Variants in EGLN3 observed in about 807,000 individuals in gnomAD.
EGLN3 encodes prolyl hydroxylase EGLN3.
A neutral mutation model predicts 26.0 loss-of-function variants in EGLN3; 15 were observed. The ratio of observed to expected loss-of-function variants is 0.58; its 90% CI spans 0.39 to 0.89. EGLN3 has a LOEUF of 0.89. Ranked by LOEUF, EGLN3 falls within the 40% of genes least tolerant of loss-of-function variation. The probability of loss-of-function intolerance (pLI) is 0.00; values close to 1 mark genes in which losing one functional copy is unlikely to be tolerated. For synonymous variants in EGLN3, 147 were observed against 127.2 expected, an observed-to-expected ratio of 1.16 and a Z score of -1.05; for missense variants, 238 against 311.6, an observed-to-expected ratio of 0.76 and a Z score of 1.78.
At chr14:33,936,556 C>T (rs1023741812) in intron 1 of EGLN3, among the ~76,000 whole-genome samples, 3 of 151,776 alleles carry the variant, frequency 2.0e-5, no homozygotes, top group East Asian at 3.9e-4. Flanking sequence ...TACTTTAGGT[C>T]CTGCCTTCAT....
chr14:33,927,349 A>G (rs769993308), intron 3 of EGLN3, among the ~76,000 whole-genome samples: 4 of 151,972 alleles, frequency 2.6e-5, no homozygotes, highest in Non-Finnish European at 5.9e-5. Flanking sequence ...TTAAATTTTT[A>G]GTAGAGATGG....
In EGLN3 at chr14:33,929,117, A is replaced by T. The variant is rs2064383578; in HGVS notation, c.573T>A (p.Asp191Glu). The change falls in exon 3 of 5, where the codon GAT becomes GAA. Residue 191 changes from aspartate to glutamate, a missense_variant. Physicochemically the swap from Asp to Glu is conservative, Grantham distance 45. Transcript: ENST00000250457. The part of the protein sequence containing the change: ...IFDRLLFFWS[D>E]RRNPHEVQPS... ...GCTGCACTTCGTGTGGGTTCCTACGATCTGACCAGAAGAACAGGAGTCTGT... is the reference window on the plus strand; with the variant it reads ...GCTGCACTTCGTGTGGGTTCCTACGTTCTGACCAGAAGAACAGGAGTCTGT... The T allele has an allele frequency of 6.2e-7, 1 of 1,614,048 alleles. No homozygotes were observed. The highest frequency in any genetic ancestry group is 8.5e-7 in the Non-Finnish European group (1 of 1,180,036).
At chr14:33,934,639 T>C (rs1484862632) in intron 1 of EGLN3, among the ~76,000 whole-genome samples, 1 of 152,134 alleles carries the variant, frequency 6.6e-6, no homozygotes, top group African/African-American at 2.4e-5. Context: ...CACCATCCAC[T>C]AGGCAATGAT....
chr14:33,931,021 A>T lies in EGLN3; in HGVS notation c.477+75T>A, dbSNP rs755324418. 1.1e-5 allele frequency: 18 copies of T among 1,584,546 alleles called. No individual in the cohort carries two copies. In the Admixed American group the frequency reaches 2.1e-4, roughly 18 times the overall value. On this transcript the variant is annotated intron_variant, in intron 2 of 4. Transcript: ENST00000250457. Reference sequence around the variant, plus strand: ...TACGGCAACTATGAACTCAATATAAACTCTCCTCTAAGTTATCTGAATCAT... The same window carrying T: ...TACGGCAACTATGAACTCAATATAATCTCTCCTCTAAGTTATCTGAATCAT...
At chr14:33,934,476 A>AAC (rs1008008272) in intron 1 of EGLN3, among the ~76,000 whole-genome samples, 26 of 151,860 alleles carry the variant, frequency 1.7e-4, no homozygotes, top group African/African-American at 5.3e-4. Flanking sequence ...TAAAAAAAAA[A>AAC]AAAAAACCTA....
intron 1 of EGLN3, among the ~76,000 whole-genome samples, chr14:33,942,894 A>G (rs2064493023): frequency 6.6e-6 from 1 of 152,214 alleles, no homozygotes; most frequent in Non-Finnish European, 1.5e-5. Flanking sequence ...AGGTATTGAC[A>G]CTGTACTGAA....
chr14:33,932,818 A>G (rs1259626237), intron 1 of EGLN3, among the ~76,000 whole-genome samples: 1 of 152,154 alleles, frequency 6.6e-6, no homozygotes, highest in Non-Finnish European at 1.5e-5. Flanking sequence ...TGGCTTGAGG[A>G]AGGGTGATTG....
chr14:33,935,586 TACACACACACACACACACAC>T (rs34931469), intron 1 of EGLN3, among the ~76,000 whole-genome samples: 1 of 146,804 alleles, frequency 6.8e-6, no homozygotes, highest in East Asian at 2.0e-4. Context: ...TATAAATAAA[TACACACACACACACACACAC>T]ACACACACAC....
intron 3 of EGLN3, among the ~76,000 whole-genome samples, chr14:33,928,500 T>A (rs1465156473): frequency 6.6e-6 from 1 of 152,196 alleles, no homozygotes; most frequent in Non-Finnish European, 1.5e-5. Flanking sequence ...AGGTGTTCAG[T>A]TACTCTGAGA....
At chr14:33,949,801 G>A (rs1463596120) in intron 1 of EGLN3, 1 of 159,306 alleles carries the variant, frequency 6.3e-6, no homozygotes, top group Non-Finnish European at 1.4e-5. Context: ...CATCAGGAGA[G>A]AATTTTCAGT....
At chr14:33,933,953 C>A (rs907349022) in intron 1 of EGLN3, among the ~76,000 whole-genome samples, 1 of 152,200 alleles carries the variant, frequency 6.6e-6, no homozygotes, top group Non-Finnish European at 1.5e-5. Flanking sequence ...AAGCAATAAA[C>A]TGACACATAT....
intron 1 of EGLN3, 26 bp from the exon 2 acceptor site, chr14:33,931,241 G>A (rs2064401360): frequency 1.9e-6 from 3 of 1,613,898 alleles, no homozygotes; most frequent in Admixed American, 1.7e-5. Context: ...AAGAAAGCTG[G>A]TTAACAAAGC....
intron 2 of EGLN3, 68 bp from the exon 3 acceptor site, chr14:33,929,280 C>G: frequency 6.3e-7 from 1 of 1,574,980 alleles, no homozygotes; most frequent in Non-Finnish European, 8.6e-7. Flanking sequence ...CATATTTCAG[C>G]TCCATTTAGA....
chr14:33,940,833 G>C (rs2064477348), intron 1 of EGLN3, among the ~76,000 whole-genome samples: 1 of 152,314 alleles, frequency 6.6e-6, no homozygotes, highest in East Asian at 1.9e-4. Flanking sequence ...CATCAGCTTT[G>C]CAGTGTCATT....
chr14:33,935,620 C>CATAT (rs1245783595), intron 1 of EGLN3, among the ~76,000 whole-genome samples: 12 of 74,662 alleles, frequency 1.6e-4, no homozygotes, highest in African/African-American at 4.4e-4. Context: ...CACACACACA[C>CATAT]ATATATATAT....
chr14:33,934,713 C>A (rs543235474), intron 1 of EGLN3, among the ~76,000 whole-genome samples: 2 of 152,250 alleles, frequency 1.3e-5, no homozygotes, highest in African/African-American at 4.8e-5. Flanking sequence ...CACTTCTCTG[C>A]TAACAGTTGC....
chr14:33,933,237 C>T (rs2064416633), intron 1 of EGLN3, among the ~76,000 whole-genome samples: 1 of 150,710 alleles, frequency 6.6e-6, no homozygotes, highest in African/African-American at 2.4e-5. Context: ...AGCATCAACC[C>T]TTGAAAAAGC....
At chr14:33,941,079 G>A (rs1235057576) in intron 1 of EGLN3, among the ~76,000 whole-genome samples, 1 of 152,146 alleles carries the variant, frequency 6.6e-6, no homozygotes, top group Non-Finnish European at 1.5e-5. Flanking sequence ...GTATTATTGT[G>A]CCTATGTTAT....
chr14:33,936,454 C>T (rs540332696), intron 1 of EGLN3, among the ~76,000 whole-genome samples: 3 of 152,146 alleles, frequency 2.0e-5, no homozygotes, highest in Non-Finnish European at 4.4e-5. Flanking sequence ...GGCTACACTT[C>T]CAGGGCTATT....
Sources: allele counts gnomAD v4.1 joint callset (sites outside exome capture counted in the v4.1 genomes callset), GRCh38; gene constraint gnomAD v4.1.1; transcripts MANE v1.5; gene names NCBI Gene and HGNC (gene_info 2026-07-23, HGNC 2026-07-21).